Variants in TBC1D16 observed in about 807,000 individuals in gnomAD.
The protein encoded by TBC1D16 is TBC1 domain family member 16, also known as CTD-2529O21.1.
In TBC1D16, 58 loss-of-function variants were observed where a neutral mutation model predicts 74.7. That is an observed-to-expected ratio of 0.78 (90% CI 0.63 to 0.97). The LOEUF (loss-of-function observed/expected upper bound fraction) is 0.97, where lower values mean the gene tolerates loss of function less well. TBC1D16 is among the 50% of genes least tolerant of loss of function. TBC1D16 has a pLI of 0.00. For missense variants in TBC1D16, 1,014 were observed against 1,079.5 expected (o/e 0.94, Z 0.85); for synonymous variants, 493 against 474.7 (o/e 1.04, Z -0.50).
chr17:80,034,870 G>A (rs1307102243), intron 1 of TBC1D16, among the ~76,000 whole-genome samples: 2 of 152,274 alleles, frequency 1.3e-5, no homozygotes, highest in Non-Finnish European at 2.9e-5. Flanking sequence ...TCTTTAAGAC[G>A]GAGTTCCCTT....
intron 1 of TBC1D16, among the ~76,000 whole-genome samples, chr17:80,021,852 GCACA>G (rs1271960136): frequency 4.7e-5 from 7 of 150,014 alleles, no homozygotes; most frequent in African/African-American, 7.6e-5. Flanking sequence ...ACACACCCAG[GCACA>G]CACACTATGA....
rs2035768282 is a variant in TBC1D16 at position 80,008,706 on chromosome 17, A to G, written c.779+1454T>C. Among the ~76,000 whole-genome samples the G allele has an allele frequency of 6.6e-6, 1 of 152,192 alleles. No homozygotes were observed. Among genetic ancestry groups the G allele is most frequent in the Non-Finnish European group, 1.5e-5 (1 of 68,034 alleles). ...CACCCAGCTCAGCAAGCCTCCTGGC[A>G]CCTGGAGTCCTCAGTTACGGCTCAC... On this transcript the variant is annotated intron_variant, in intron 3 of 11. Transcript: ENST00000310924. The surrounding 1 kb of genome is among the most constrained non-coding windows in gnomAD (Gnocchi z 4.5).
At chr17:80,025,634 AC>A (rs1159385572) in intron 1 of TBC1D16, among the ~76,000 whole-genome samples, 5 of 66,990 alleles carry the variant, frequency 7.5e-5, no homozygotes, top group Non-Finnish European at 9.6e-5. Flanking sequence ...GGAGCCCCCC[AC>A]CCCCACCCAG....
rs1413790281 is a variant in TBC1D16 at position 79,947,660 on chromosome 17, G to A, written c.1713C>T (p.Asp571=). 1 of 1,614,078 alleles carries A rather than the reference G, an allele frequency of 6.2e-7. No individual in the cohort carries two copies. Among genetic ancestry groups the A allele is most frequent in the Non-Finnish European group, 8.5e-7 (1 of 1,180,000 alleles). Residue 571 remains aspartate (D), a synonymous_variant, in exon 9 of 12, where the codon GAC becomes GAT. Transcript: ENST00000310924. ...TIFVSSPRDE[D]MEKQLLYLRE... is the part of the protein sequence containing the mutation. Reference sequence around the variant, plus strand: ...TGAGCCTCACCAGTTGTTTCTCCATGTCCTCGTCCCGGGGTGAGCTGACGA... The same window carrying A: ...TGAGCCTCACCAGTTGTTTCTCCATATCCTCGTCCCGGGGTGAGCTGACGA...
In TBC1D16 at chr17:80,010,822, C is replaced by T; in HGVS notation, c.182-65G>A. On this transcript the variant is annotated intron_variant, in intron 2 of 11. Coordinates refer to ENST00000310924, the MANE Select transcript of TBC1D16 (RefSeq NM_019020.4). This position sits in a 1 kb window ranked among gnomAD's most constrained non-coding sequence, Gnocchi z 8.8. ...GGCTGTGGATGAGGCCCTTGTGGTA[C>T]CTTTGGCGAGCTGCTCGGAGAGGCC... The T allele has an allele frequency of 7.9e-7, 1 of 1,273,198 alleles. No individual in the cohort carries two copies. The highest frequency in any genetic ancestry group is 1.0e-6 in the Non-Finnish European group (1 of 957,664). 78.9% of individuals were successfully genotyped at this position (1,273,198 alleles called of 1,614,324 possible).
chr17:80,000,370 C>A lies in TBC1D16; in HGVS notation c.779+9790G>T, dbSNP rs189816426. Among the ~76,000 whole-genome samples the A allele has an allele frequency of 1.3e-5, 2 of 152,260 alleles. No homozygotes were observed. The highest frequency in any genetic ancestry group is 3.9e-4 in the East Asian group (2 of 5,184). On this transcript the variant is annotated intron_variant, in intron 3 of 11. Coordinates refer to ENST00000310924, the MANE Select transcript of TBC1D16 (RefSeq NM_019020.4). The surrounding 1 kb of genome is among the most constrained non-coding windows in gnomAD (Gnocchi z 4.1). ...ATCCGTATGAGAAGAAGAGAGGGCA[C>A]ACAAAGGGACACACCCTGTCCATGT... is the stretch of plus-strand genomic sequence containing the variant.
At chr17:79,942,460 A>C (rs1158515822) in intron 10 of TBC1D16, among the ~76,000 whole-genome samples, 2 of 140,270 alleles carry the variant, frequency 1.4e-5, no homozygotes, top group Non-Finnish European at 3.0e-5. Flanking sequence ...GACGATGCTG[A>C]GCTCAGCCCC....
Position 79,979,354 on chromosome 17 carries a change from A to G in TBC1D16, c.780-26536T>C, listed in dbSNP as rs1243846905. Among the ~76,000 whole-genome samples the G allele has an allele frequency of 6.6e-6, 1 of 152,128 alleles. No homozygotes were observed. The highest frequency in any genetic ancestry group is 1.5e-5 in the Non-Finnish European group (1 of 68,020). ...GATGCACACCCACGCCCTGGACCCC[A>G]GCAGAGGGATCAAGGGCTCAGGCAT... On this transcript the variant is annotated intron_variant, in intron 3 of 11. Transcript: ENST00000310924. This position sits in a 1 kb window ranked among gnomAD's most constrained non-coding sequence, Gnocchi z 4.8.
At chr17:80,021,027 T>G (rs2036264352) in intron 1 of TBC1D16, among the ~76,000 whole-genome samples, 2 of 149,402 alleles carry the variant, frequency 1.3e-5, no homozygotes, top group Non-Finnish European at 2.9e-5. Context: ...CCAAGGCGGG[T>G]GGATCACCTG....
intron 5 of TBC1D16, 94 bp downstream of exon 5, chr17:79,951,356 G>A: frequency 6.8e-7 from 1 of 1,474,064 alleles, no homozygotes; most frequent in African/African-American, 1.4e-5. Context: ...CCGGGGCCCG[G>A]GGACCCCAGA....
In TBC1D16 at chr17:79,938,995, C is replaced by G. The variant is rs57659487; in HGVS notation, c.*1864G>C. 6.5e-6 allele frequency: 1 copy of G among 152,876 alleles called. No individual in the cohort carries two copies. Among genetic ancestry groups the G allele is most frequent in the East Asian group, 1.9e-4 (1 of 5,198 alleles). The allele number at this position is 152,876 out of a possible 1,614,324, so 9.5% of individuals were successfully genotyped here. Reference sequence around the variant, plus strand: ...GACCAGAAGAATCACCCTGCCCAGACTGCTGACTCCTGCCCTAGATCAGTG... The same window carrying G: ...GACCAGAAGAATCACCCTGCCCAGAGTGCTGACTCCTGCCCTAGATCAGTG... On this transcript the variant is annotated 3_prime_UTR_variant, in exon 12 of 12. Coordinates refer to ENST00000310924, the MANE Select transcript of TBC1D16 (RefSeq NM_019020.4).
chr17:80,016,542 G>T (rs2036097031), intron 1 of TBC1D16, among the ~76,000 whole-genome samples: 1 of 149,304 alleles, frequency 6.7e-6, no homozygotes, highest in African/African-American at 2.5e-5. Flanking sequence ...TCCAGAGCTG[G>T]TTGAGGGTGG....
intron 3 of TBC1D16, among the ~76,000 whole-genome samples, chr17:79,982,422 G>C (rs139251642): frequency 0.024 from 3,709 of 151,704 alleles, 76 homozygotes; most frequent in Middle Eastern, 0.061. Flanking sequence ...GGGATTACAG[G>C]CCTGAGCCAC....
At chr17:80,015,856 C>T (rs1394216802) in intron 1 of TBC1D16, among the ~76,000 whole-genome samples, 1 of 151,524 alleles carries the variant, frequency 6.6e-6, no homozygotes, top group Non-Finnish European at 1.5e-5. Context: ...ACTAAAAATA[C>T]AAAAATTAGC....
Position 79,950,295 on chromosome 17 carries a change from A to G in TBC1D16, c.1257+116T>C, listed in dbSNP as rs2032940504. On this transcript the variant is annotated intron_variant, in intron 6 of 11. Transcript: ENST00000310924. This position sits in a 1 kb window ranked among gnomAD's most constrained non-coding sequence, Gnocchi z 4.6. Reference sequence around the variant, plus strand: ...CACACAAGAAAACGGGGCCCTCACGAGGAGGTGGCCCGTGGGTGCGGGCGG... The same window carrying G: ...CACACAAGAAAACGGGGCCCTCACGGGGAGGTGGCCCGTGGGTGCGGGCGG... 1.7e-6 allele frequency: 2 copies of G among 1,191,760 alleles called. No homozygotes were observed. Among genetic ancestry groups the G allele is most frequent in the Admixed American group, 2.9e-5 (1 of 34,902 alleles). 73.8% of individuals were successfully genotyped at this position (1,191,760 alleles called of 1,614,324 possible). A position where few individuals can be genotyped will look rare whatever the true frequency, so the allele number is the denominator to read the frequency against.
intron 7 of TBC1D16, among the ~76,000 whole-genome samples, 187 bp downstream of exon 7, chr17:79,949,530 C>G (rs2032860248): frequency 6.6e-6 from 1 of 152,250 alleles, no homozygotes; most frequent in Admixed American, 6.5e-5. Context: ...CTCCGAGGCC[C>G]GAGTGCTTGG....
In TBC1D16 at chr17:79,981,220, G is replaced by A. The variant is rs1038420515; in HGVS notation, c.780-28402C>T. On this transcript the variant is annotated intron_variant, in intron 3 of 11. Coordinates refer to ENST00000310924, the MANE Select transcript of TBC1D16 (RefSeq NM_019020.4). This position sits in a 1 kb window ranked among gnomAD's most constrained non-coding sequence, Gnocchi z 6.9. The stretch of plus-strand genomic sequence containing the variant: ...CCATCCCCTGGGCCTAGTTTCAGGG[G>A]AGCCAGCATCTTCCGCACCAATGCA... Among the ~76,000 whole-genome samples the A allele has an allele frequency of 6.6e-6, 1 of 152,172 alleles. No homozygotes were observed. Among genetic ancestry groups the A allele is most frequent in the Non-Finnish European group, 1.5e-5 (1 of 68,036 alleles).
intron 3 of TBC1D16, among the ~76,000 whole-genome samples, chr17:79,984,915 T>A (rs1051798810): frequency 2.3e-5 from 3 of 130,364 alleles, no homozygotes; most frequent in Admixed American, 1.5e-4. Flanking sequence ...TCCTCCAGCT[T>A]CGGACACAGC....
rs2035459011 is a variant in TBC1D16 at position 80,000,819 on chromosome 17, G to T, written c.779+9341C>A. Among the ~76,000 whole-genome samples the T allele has an allele frequency of 1.3e-5, 2 of 152,230 alleles. No homozygotes were observed. Among genetic ancestry groups the T allele is most frequent in the African/African-American group, 4.8e-5 (2 of 41,462 alleles). On this transcript the variant is annotated intron_variant, in intron 3 of 11. Coordinates refer to ENST00000310924, the MANE Select transcript of TBC1D16 (RefSeq NM_019020.4). This position sits in a 1 kb window ranked among gnomAD's most constrained non-coding sequence, Gnocchi z 4.1. ...CACCGTCCAAGGCCACCCCCTGCGG[G>T]TCTTGAGTGGAGCTTGGATTCACAG...
Sources: gnomAD v4.1 joint callset for allele counts (sites outside exome capture counted in the v4.1 genomes callset) on GRCh38, gnomAD v4.1.1 for gene constraint, Gnocchi (gnomAD v3.1) non-coding constraint, MANE v1.5 for transcripts, NCBI Gene and HGNC (gene_info 2026-07-23, HGNC 2026-07-21) for gene names.